SLC4A4: variants seen among roughly 807,000 people sequenced by gnomAD.
SLC4A4 encodes the protein electrogenic sodium bicarbonate cotransporter 1.
Under a neutral mutation model 111.5 loss-of-function variants are expected in SLC4A4, and 27 were observed. That is an observed-to-expected ratio of 0.24 (90% CI 0.18 to 0.33). SLC4A4 has a LOEUF of 0.33. Among genes scored for constraint, SLC4A4 ranks in the 10% least tolerant of loss-of-function variants. The probability of loss-of-function intolerance (pLI) is 1.00; values close to 1 mark genes in which losing one functional copy is unlikely to be tolerated. For synonymous variants in SLC4A4, 443 were observed against 463.4 expected, an observed-to-expected ratio of 0.96 and a Z score of 0.57; for missense variants, 909 against 1,315.5, an observed-to-expected ratio of 0.69 and a Z score of 4.78.
intron 7 of SLC4A4, among the ~76,000 whole-genome samples, chr4:71,436,408 G>A (rs567505722): frequency 6.6e-6 from 1 of 152,220 alleles, no homozygotes; most frequent in South Asian, 2.1e-4. Context: ...GGGCCTGTCA[G>A]GGGGTCAGGG....
chr4:71,302,253 A>T (rs567445663), intron 3 of SLC4A4, among the ~76,000 whole-genome samples: 2 of 152,222 alleles, frequency 1.3e-5, no homozygotes, highest in Non-Finnish European at 2.9e-5. Flanking sequence ...CAATGCACTA[A>T]GAATAATGAT....
intron 4 of SLC4A4, among the ~76,000 whole-genome samples, chr4:71,340,072 A>G (rs1311963849): frequency 6.6e-6 from 1 of 152,010 alleles, no homozygotes; most frequent in South Asian, 2.1e-4. Context: ...AAAGAAAAAA[A>G]AATCAGCCGG....
At chr4:71,510,260 C>T (rs1306398387) in intron 16 of SLC4A4, among the ~76,000 whole-genome samples, 1 of 152,176 alleles carries the variant, frequency 6.6e-6, no homozygotes, top group African/African-American at 2.4e-5. Flanking sequence ...CAGAAGGATG[C>T]CTTTTCCTTT....
intron 1 of SLC4A4, among the ~76,000 whole-genome samples, chr4:71,069,411 A>G (rs887815839): frequency 1.3e-5 from 2 of 152,352 alleles, no homozygotes; most frequent in Middle Eastern, 3.4e-3. Flanking sequence ...AACAGACTTG[A>G]AAGACGACAG....
At chr4:71,467,096 G>T (rs12642910) in intron 13 of SLC4A4, among the ~76,000 whole-genome samples, 1 of 151,826 alleles carries the variant, frequency 6.6e-6, no homozygotes, top group African/African-American at 2.4e-5. Context: ...CTTGACTCTA[G>T]CCCTCACCAG....
intron 4 of SLC4A4, among the ~76,000 whole-genome samples, chr4:71,348,564 T>C (rs1303189183): frequency 1.3e-5 from 2 of 152,162 alleles, no homozygotes; most frequent in Non-Finnish European, 2.9e-5. Context: ...TGATACAAGG[T>C]TACCACTAAC....
intron 1 of SLC4A4, among the ~76,000 whole-genome samples, chr4:71,088,955 T>A (rs185763927): frequency 2.8e-4 from 43 of 152,180 alleles, no homozygotes; most frequent in Admixed American, 2.6e-3. Flanking sequence ...TTGACCTGCC[T>A]TGCTAGATTG....
At chr4:71,090,931 G>A (rs1742368814) in intron 1 of SLC4A4, among the ~76,000 whole-genome samples, 1 of 152,078 alleles carries the variant, frequency 6.6e-6, no homozygotes, top group Admixed American at 6.6e-5. Flanking sequence ...TCATGTTGAG[G>A]ACATTTTTGT....
At chr4:71,284,125 G>A (rs1723731992) in intron 3 of SLC4A4, among the ~76,000 whole-genome samples, 1 of 152,138 alleles carries the variant, frequency 6.6e-6, no homozygotes, top group Non-Finnish European at 1.5e-5. Flanking sequence ...TTCCCAGAAT[G>A]GAAATAAATG....
chr4:71,090,402 C>T (rs1339016362), intron 1 of SLC4A4, among the ~76,000 whole-genome samples: 1 of 152,150 alleles, frequency 6.6e-6, no homozygotes, highest in Non-Finnish European at 1.5e-5. Context: ...CACCCACTGT[C>T]CTGCACCCAC....
At chr4:71,329,400 T>C (rs1727779488) in intron 3 of SLC4A4, among the ~76,000 whole-genome samples, 1 of 152,142 alleles carries the variant, frequency 6.6e-6, no homozygotes, top group South Asian at 2.1e-4. Context: ...AATCTGTAGA[T>C]TGCTTTAGGT....
chr4:71,443,727 G>T (rs1004886205), intron 8 of SLC4A4, among the ~76,000 whole-genome samples: 1 of 152,104 alleles, frequency 6.6e-6, no homozygotes, highest in Admixed American at 6.5e-5. Flanking sequence ...TATTAAGTAA[G>T]CTCCAGACTG....
At chr4:71,277,594 TTC>T (rs942753047) in intron 3 of SLC4A4, among the ~76,000 whole-genome samples, 4 of 147,006 alleles carry the variant, frequency 2.7e-5, no homozygotes, top group South Asian at 2.4e-4. Flanking sequence ...CCTTCTTTCT[TTC>T]TCTCTCTCTC....
intron 18 of SLC4A4, among the ~76,000 whole-genome samples, chr4:71,546,132 T>C (rs564869461): frequency 1.3e-5 from 2 of 152,164 alleles, no homozygotes; most frequent in African/African-American, 4.8e-5. Flanking sequence ...AACACTATAG[T>C]ACAGAAGGTC....
At chr4:71,329,424 T>C (rs905142214) in intron 3 of SLC4A4, among the ~76,000 whole-genome samples, 2 of 152,182 alleles carry the variant, frequency 1.3e-5, no homozygotes, top group African/African-American at 2.4e-5. Flanking sequence ...ATGGACATTT[T>C]AACAATATTG....
intron 3 of SLC4A4, among the ~76,000 whole-genome samples, chr4:71,268,075 GTTTTTTT>G (rs10657146): frequency 1.1e-5 from 1 of 87,586 alleles, no homozygotes; most frequent in African/African-American, 4.5e-5. Flanking sequence ...ATAAAGTAGT[GTTTTTTT>G]TTTTTTTTTT....
intron 5 of SLC4A4, among the ~76,000 whole-genome samples, chr4:71,355,150 G>C (rs1730175667): frequency 6.6e-6 from 1 of 152,188 alleles, no homozygotes; most frequent in African/African-American, 2.4e-5. Context: ...AGGACTGGCT[G>C]TGCATACATA....
At chr4:71,438,590 C>T (rs936403937) in intron 7 of SLC4A4, among the ~76,000 whole-genome samples, 1 of 152,136 alleles carries the variant, frequency 6.6e-6, no homozygotes, top group Non-Finnish European at 1.5e-5. Flanking sequence ...GCTTAGAAGT[C>T]CTCAATTATC....
intron 2 of SLC4A4, among the ~76,000 whole-genome samples, chr4:71,243,595 A>G (rs936106228): frequency 1.3e-5 from 2 of 152,156 alleles, no homozygotes; most frequent in Non-Finnish European, 2.9e-5. Flanking sequence ...CTGCAATGGC[A>G]TAGGTTCACG....
Sources: allele counts gnomAD v4.1 joint callset (sites outside exome capture counted in the v4.1 genomes callset), GRCh38; gene constraint gnomAD v4.1.1; transcripts MANE v1.5; gene names NCBI Gene and HGNC (gene_info 2026-07-23, HGNC 2026-07-21).